DNM1: variants seen among roughly 807,000 people sequenced by gnomAD.
The protein encoded by DNM1 is dynamin 1.
DNM1 carries 29 observed loss-of-function variants against 104.6 expected under a neutral mutation model. That is an observed-to-expected ratio of 0.28 (90% confidence interval 0.21 to 0.38). The LOEUF (loss-of-function observed/expected upper bound fraction) is 0.38, where lower values mean the gene tolerates loss of function less well. Among genes scored for constraint, DNM1 ranks in the 10% least tolerant of loss-of-function variants. DNM1 has a pLI of 1.00. For missense variants in DNM1, 640 were observed against 1,189.4 expected (o/e 0.54, Z 6.79); for synonymous variants, 445 against 475.8 (o/e 0.94, Z 0.84).
At position 128,254,622 on chromosome 9, in the gene DNM1, C is replaced by T. The variant is rs577787936; in HGVS notation, c.2535-32C>T. On this transcript the variant is annotated intron_variant, in intron 21 of 21. Coordinates refer to ENST00000372923, the MANE Select transcript of DNM1 (RefSeq NM_004408.4). The surrounding 1 kb of genome is among the most constrained non-coding windows in gnomAD (Gnocchi z 6.1). ...CAGCTCTCTCCTCGCTTTTCTCTCC[C>T]GTTTTCTCTCTGCTTTCTCTCCAAC... The T allele has an allele frequency of 2.8e-5, 45 of 1,596,148 alleles. 1 individual carries two copies. The highest frequency in any genetic ancestry group is 2.1e-4 in the South Asian group (19 of 90,980).
Position 128,252,807 on chromosome 9 carries a change from C to A in DNM1, c.2535-1847C>A, listed in dbSNP as rs1829607678. ...GCAAATGCCTCTGTGTGCGGGTGAG[C>A]TTCTGTGTTGTGACTCTGCCCACAC... On this transcript the variant is annotated intron_variant, in intron 21 of 21. Transcript: ENST00000372923. 6.1e-6 allele frequency: 4 copies of A among 655,906 alleles called. No individual in the cohort carries two copies. In the African/African-American group the frequency reaches 7.1e-5, roughly 12 times the overall value. The allele number at this position is 655,906 out of a possible 1,614,324, so 40.6% of individuals were successfully genotyped here. A position where few individuals can be genotyped will look rare whatever the true frequency, so the allele number is the denominator to read the frequency against.
intron 11 of DNM1, chr9:128,234,797 G>GTTGT (rs1236428983): frequency 6.6e-6 from 1 of 152,042 alleles, no homozygotes; most frequent in Non-Finnish European, 1.5e-5. Context: ...CTATGAATTT[G>GTTGT]TTGTTTGTTT....
In DNM1 at chr9:128,253,486, C is replaced by A. The variant is rs1028916065; in HGVS notation, c.2535-1168C>A. On this transcript the variant is annotated intron_variant, in intron 21 of 21. Transcript: ENST00000372923. This position sits in a 1 kb window ranked among gnomAD's most constrained non-coding sequence, Gnocchi z 5.9. ...TAAAGGCTGGGAGCTTGGAGGGGGT[C>A]GTGTGTGGGGCTGGACTCTGAGGCG... 1.8e-5 allele frequency: 6 copies of A among 341,560 alleles called. No individual in the cohort carries two copies. Among genetic ancestry groups the A allele is most frequent in the Non-Finnish European group, 3.3e-5 (6 of 184,018 alleles). The allele number at this position is 341,560 out of a possible 1,614,324, so 21.2% of individuals were successfully genotyped here.
chr9:128,207,884 G>A (rs981557841), intron 1 of DNM1, among the ~76,000 whole-genome samples: 2 of 151,932 alleles, frequency 1.3e-5, no homozygotes, highest in Non-Finnish European at 2.9e-5. Flanking sequence ...ACGGGTTGGG[G>A]ATCTTCTCCA....
At chr9:128,214,064 C>A (rs1202769277) in intron 1 of DNM1, among the ~76,000 whole-genome samples, 1 of 152,100 alleles carries the variant, frequency 6.6e-6, no homozygotes, top group African/African-American at 2.4e-5. Context: ...TGCCCACCCC[C>A]CTTGCCTTCC....
intron 11 of DNM1, among the ~76,000 whole-genome samples, chr9:128,237,286 G>C (rs1836073415): frequency 6.6e-6 from 1 of 151,376 alleles, no homozygotes; most frequent in Admixed American, 6.6e-5. Flanking sequence ...TTTTGAGACG[G>C]AGTCTCTCTC....
intron 1 of DNM1, among the ~76,000 whole-genome samples, chr9:128,214,995 G>T (rs956421366): frequency 2.0e-5 from 3 of 152,254 alleles, no homozygotes; most frequent in African/African-American, 7.2e-5. Flanking sequence ...AAAGGGAAGA[G>T]CTAGGGAGCT....
In DNM1 at chr9:128,250,828, G is replaced by A. The variant is rs1829473474; in HGVS notation, c.2422G>A (p.Ala808Thr). Residue 808 changes from alanine to threonine, a missense_variant, in exon 21 of 22, where the codon GCC (alanine) becomes ACC (threonine). Physicochemically the swap from Ala to Thr is moderately conservative, Grantham distance 58. This residue lies in a region of DNM1 where 129 missense variants were observed against 224.6 expected (regional missense o/e 0.57). Coordinates refer to ENST00000372923, the MANE Select transcript of DNM1 (RefSeq NM_004408.4). ...PAPGPPPAGS[A>T]LGGAPPVPSR... Reference sequence around the variant, plus strand: ...TCCTGGGCCTCCGCCTGCTGGGTCCGCCCTGGGGGGGGCGCCCCCCGTGCC... The same window carrying A: ...TCCTGGGCCTCCGCCTGCTGGGTCCACCCTGGGGGGGGCGCCCCCCGTGCC... The A allele has an allele frequency of 3.0e-6, 4 of 1,313,104 alleles. No individual in the cohort carries two copies. In the African/African-American group the frequency reaches 6.2e-5, roughly 20 times the overall value. 81.3% of individuals were successfully genotyped at this position (1,313,104 alleles called of 1,614,324 possible).
intron 11 of DNM1, among the ~76,000 whole-genome samples, chr9:128,235,904 C>T (rs145267045): frequency 7.2e-5 from 11 of 152,026 alleles, no homozygotes; most frequent in East Asian, 5.8e-4. Flanking sequence ...TTTGTAGAGA[C>T]GGGGGTCTCA....
At chr9:128,226,314 C>T (rs1020811533) in intron 10 of DNM1, 68 of 1,347,846 alleles carry the variant, frequency 5.0e-5, no homozygotes, top group Middle Eastern at 1.9e-4. Context: ...CAGTTTCTAA[C>T]CCTGGGTACT....
In DNM1 at chr9:128,243,133, G is replaced by A. The variant is rs79636951; in HGVS notation, c.1671+788G>A. On this transcript the variant is annotated intron_variant, in intron 15 of 21. Transcript: ENST00000372923. The surrounding 1 kb of genome is among the most constrained non-coding windows in gnomAD (Gnocchi z 4.0). ...TCAGGCTGAGGGGCAAGGAGTGTGG[G>A]GGCCCTGCCGAGGTGCCACAAAAAA... Among the ~76,000 whole-genome samples the A allele has an allele frequency of 3.2e-3, 487 of 152,274 alleles. 1 individual carries two copies. Among genetic ancestry groups the A allele is most frequent in the Middle Eastern group, 6.8e-3 (2 of 294 alleles).
Position 128,219,247 on chromosome 9 carries a change from C to T in DNM1, c.584C>T (p.Pro195Leu), listed in dbSNP as rs780514615. ...CTCAAGGTCGCCAAGGAGGTGGACC[C>T]CCAGGGTAGGTTCCCACCCGGTGGC... is the stretch of plus-strand genomic sequence containing the variant. ...DALKVAKEVDPQGQRTIGVIT... is the reference protein window; with the variant it reads ...DALKVAKEVDLQGQRTIGVIT... The change falls in exon 4 of 22, where the codon CCC (proline) becomes CTC (leucine). Residue 195 changes from proline to leucine, a missense_variant. Physicochemically the swap from Pro to Leu is moderately conservative, Grantham distance 98 (BLOSUM62 -3). Around this residue, in one of 7 missense-constraint regions of DNM1, gnomAD observed 172 missense variants for 335.3 expected, o/e 0.51. Transcript: ENST00000372923. 46 of 1,613,930 alleles carry T rather than the reference C, an allele frequency of 2.9e-5. No individual in the cohort carries two copies. The highest frequency in any genetic ancestry group is 3.7e-5 in the Non-Finnish European group (44 of 1,180,018).
chr9:128,232,889 C>T (rs1372764013), intron 10 of DNM1, among the ~76,000 whole-genome samples: 5 of 152,268 alleles, frequency 3.3e-5, no homozygotes, highest in African/African-American at 4.8e-5. Context: ...TTCTCCAACA[C>T]GCCCTCTTCC....
intron 15 of DNM1, among the ~76,000 whole-genome samples, chr9:128,244,522 C>T (rs557283175): frequency 6.1e-4 from 93 of 151,994 alleles, no homozygotes; most frequent in Middle Eastern, 6.8e-3. Flanking sequence ...TCCCCAGTCC[C>T]CATTGACCCC....
At chr9:128,236,911 G>A (rs1836050416) in intron 11 of DNM1, among the ~76,000 whole-genome samples, 1 of 152,166 alleles carries the variant, frequency 6.6e-6, no homozygotes, top group Admixed American at 6.5e-5. Context: ...TTTCTTATGC[G>A]TGTGCACTCA....
intron 1 of DNM1, among the ~76,000 whole-genome samples, chr9:128,208,904 C>T (rs944012805): frequency 2.0e-5 from 3 of 152,074 alleles, no homozygotes; most frequent in East Asian, 3.9e-4. Flanking sequence ...TGTGGACTTC[C>T]GCAGGTGCAG....
Position 128,250,928 on chromosome 9 carries a change from C to T in DNM1, c.2522C>T (p.Pro841Leu). The change falls in exon 21 of 22, where the codon CCC becomes CTC. Residue 841 changes from proline to leucine, a missense_variant. Physicochemically the swap from Pro to Leu is moderately conservative, Grantham distance 98. Around this residue, in one of 7 missense-constraint regions of DNM1, gnomAD observed 37 missense variants for 35.6 expected, o/e 1.04. Transcript: ENST00000372923. ...QVPSRPNRAP[P>L]GVPSRSGQAS... ...CCCTCGCGCCCCAACCGCGCCCCGC[C>T]CGGGGTCCCCAGGTGAGTAGGGGCT... 2 of 1,376,048 alleles carry T rather than the reference C, an allele frequency of 1.5e-6. No individual in the cohort carries two copies. Among genetic ancestry groups the T allele is most frequent in the Non-Finnish European group, 9.4e-7 (1 of 1,063,166 alleles). 85.2% of individuals were successfully genotyped at this position (1,376,048 alleles called of 1,614,324 possible).
chr9:128,252,529 A>G, intron 21 of DNM1: 2 of 390,820 alleles, frequency 5.1e-6, no homozygotes, highest in Non-Finnish European at 1.0e-5. Context: ...TGCAACGAGG[A>G]CAGCCACTGG....
intron 1 of DNM1, among the ~76,000 whole-genome samples, chr9:128,216,575 T>TAC (rs374922130): frequency 1.3e-5 from 2 of 152,158 alleles, no homozygotes; most frequent in African/African-American, 4.8e-5. Context: ...ATGATGAATA[T>TAC]ACACAGGGCT....
Sources: allele counts gnomAD v4.1 joint callset (sites outside exome capture counted in the v4.1 genomes callset), GRCh38; gene constraint gnomAD v4.1.1; regional missense constraint gnomAD v4.1.1; non-coding constraint Gnocchi (gnomAD v3.1); transcripts MANE v1.5; gene names NCBI Gene and HGNC (gene_info 2026-07-23, HGNC 2026-07-21).